PLD2: variants seen among roughly 807,000 people sequenced by gnomAD.
PLD2 encodes choline phosphatase 2.
Under a neutral mutation model 119.8 loss-of-function variants are expected in PLD2, and 101 were observed. That is an observed-to-expected ratio of 0.84 (90% CI 0.72 to 0.99). The LOEUF (loss-of-function observed/expected upper bound fraction) is 0.99. Ranked by LOEUF, PLD2 falls within the 50% of genes least tolerant of loss-of-function variation. PLD2 has a pLI of 0.00. For synonymous variants in PLD2, 494 were observed against 482.8 expected (o/e 1.02, Z -0.30); for missense variants, 1,164 against 1,226.8 (o/e 0.95, Z 0.76).
Position 4,809,347 on chromosome 17 carries a change from G to A in PLD2, c.539G>A (p.Arg180His), listed in dbSNP as rs199632590. 142 of 1,613,832 alleles carry A rather than the reference G, an allele frequency of 8.8e-5. No individual in the cohort carries two copies. Among genetic ancestry groups the A allele is most frequent in the Non-Finnish European group, 8.5e-5 (100 of 1,179,892 alleles). Residue 180 changes from arginine to histidine, a missense_variant, in exon 6 of 25, where the codon CGC becomes CAC. Coordinates refer to ENST00000263088, the MANE Select transcript of PLD2 (RefSeq NM_002663.5). Reference sequence around the variant, plus strand: ...CGTCTCTTGACCATGTCTTTCTATCGCAACTACCATGCCATGGTAAGGTCC... The same window carrying A: ...CGTCTCTTGACCATGTCTTTCTATCACAACTACCATGCCATGGTAAGGTCC... ...LNRLLTMSFY[R>H]NYHAMTEFLE...
rs746667081 is a variant in PLD2 at position 4,809,502 on chromosome 17, C to T, written c.565C>T (p.Leu189=). Residue 189 remains leucine, a synonymous_variant, in exon 7 of 25, where the codon CTG becomes TTG. Transcript: ENST00000263088. ...YRNYHAMTEF[L]EVSQLSFIPD... The stretch of plus-strand genomic sequence containing the variant: ...TTGTTTTCCTCTGCAGACAGAGTTC[C>T]TGGAAGTCAGTCAGCTGTCCTTTAT... The T allele has an allele frequency of 1.9e-6, 3 of 1,607,858 alleles. No homozygotes were observed. Among genetic ancestry groups the T allele is most frequent in the Non-Finnish European group, 2.6e-6 (3 of 1,176,396 alleles).
In PLD2 at chr17:4,818,124, TGG is replaced by T. The variant is rs768002478; in HGVS notation, c.1920+22_1920+23del. The T allele has an allele frequency of 7.0e-6, 11 of 1,577,992 alleles. No homozygotes were observed. Among genetic ancestry groups the T allele is most frequent in the Non-Finnish European group, 9.6e-6 (11 of 1,147,960 alleles). On this transcript the variant is annotated intron_variant, in intron 18 of 24. Coordinates refer to ENST00000263088, the MANE Select transcript of PLD2 (RefSeq NM_002663.5). Reference sequence around the variant, plus strand: ...ACATTGAGGTCTGACTGGGAGGAGGTGGGGGAGAGCATGGAAGGGGTGTCCCA... The same window carrying T: ...ACATTGAGGTCTGACTGGGAGGAGGTGGGAGAGCATGGAAGGGGTGTCCCA...
In PLD2 at chr17:4,815,822, T is replaced by C. The variant is rs1429848677; in HGVS notation, c.1343T>C (p.Val448Ala). 9.3e-6 allele frequency: 15 copies of C among 1,614,098 alleles called. No individual in the cohort carries two copies. The highest frequency in any genetic ancestry group is 1.3e-5 in the Non-Finnish European group (15 of 1,179,998). ...GCCCATCATGAGAAGCTCCTGGTGG[T>C]GGACCAAGTGGTAGCATTCCTGGGG... ...LWAHHEKLLV[V>A]DQVVAFLGGL... The change falls in exon 14 of 25, where the codon GTG (valine) becomes GCG (alanine). Residue 448 changes from valine (V) to alanine (A), a missense_variant. Val to Ala is a moderately conservative substitution (Grantham distance 64). Coordinates refer to ENST00000263088, the MANE Select transcript of PLD2 (RefSeq NM_002663.5).
In PLD2 at chr17:4,822,992, A is replaced by G; in HGVS notation, c.*128A>G. The G allele has an allele frequency of 1.6e-6, 1 of 616,016 alleles. No individual in the cohort carries two copies. The highest frequency in any genetic ancestry group is 2.0e-5 in the South Asian group (1 of 50,988). 38.2% of individuals were successfully genotyped at this position (616,016 alleles called of 1,614,324 possible). ...GGGGAGGCAGGCATTCCTGAAGGGA[A>G]CTAGAGGTGTTACAGAGGACCCTTA... is the stretch of plus-strand genomic sequence containing the variant. On this transcript the variant is annotated 3_prime_UTR_variant, in exon 25 of 25. Transcript: ENST00000263088.
intron 14 of PLD2, among the ~76,000 whole-genome samples, chr17:4,816,315 G>A (rs932912266): frequency 8.6e-5 from 13 of 151,564 alleles, no homozygotes; most frequent in African/African-American, 2.7e-4. Flanking sequence ...CCCAGGAGGC[G>A]GAGGTTGCAG....
At chr17:4,815,066 T>C (rs1299326127) in intron 12 of PLD2, among the ~76,000 whole-genome samples, 1 of 151,976 alleles carries the variant, frequency 6.6e-6, no homozygotes, top group Non-Finnish European at 1.5e-5. Context: ...GTGGTGTTGA[T>C]GGACAGGAAG....
Position 4,819,203 on chromosome 17 carries a change from C to A in PLD2, c.2293C>A (p.Arg765=), listed in dbSNP as rs746497873. 3 of 1,614,084 alleles carry A rather than the reference C, an allele frequency of 1.9e-6. No individual in the cohort carries two copies. The highest frequency in any genetic ancestry group is 2.5e-6 in the Non-Finnish European group (3 of 1,179,992). The stretch of plus-strand genomic sequence containing the variant: ...CAGCAAGGTGCTCATCGCAGATGAC[C>A]GGACAGTCATCATTGGTCAGTGCCG... ...IHSKVLIADD[R]TVIIGSANIN... The change falls in exon 22 of 25, where the codon CGG becomes AGG. Residue 765 remains arginine, a synonymous_variant. Transcript: ENST00000263088. The surrounding 1 kb of genome is among the most constrained non-coding windows in gnomAD (Gnocchi z 4.2).
rs752531368 is a variant in PLD2 at position 4,814,385 on chromosome 17, T to C, written c.1011-33T>C. The C allele has an allele frequency of 1.9e-6, 3 of 1,587,256 alleles. No homozygotes were observed. The South Asian group carries it at 3.4e-5, about 18-fold the overall frequency. On this transcript the variant is annotated intron_variant, in intron 10 of 24. Coordinates refer to ENST00000263088, the MANE Select transcript of PLD2 (RefSeq NM_002663.5). ...TCTCCAGAGCTTTCTGGCTTCTGAC[T>C]CCCCTGACCTCCTTGGCTTGGCCTC...
chr17:4,815,998 C>T, intron 14 of PLD2, 64 bp downstream of exon 14: 1 of 1,185,482 alleles, frequency 8.4e-7, no homozygotes, highest in Admixed American at 1.8e-5. Flanking sequence ...ACACCATTTC[C>T]CAGCTCCAGC....
intron 8 of PLD2, 36 bp from the exon 9 acceptor site, chr17:4,809,841 G>A: frequency 6.2e-7 from 1 of 1,614,086 alleles, no homozygotes; most frequent in Non-Finnish European, 8.5e-7. Flanking sequence ...AAAATTTTGA[G>A]GGCAGAGAGG....
rs1298988820 is a variant in PLD2 at position 4,822,858 on chromosome 17, G to T, written c.2796G>T (p.Trp932Cys). Residue 932 changes from tryptophan (W) to cysteine (C), a missense_variant, in exon 25 of 25, where the codon TGG becomes TGT. Transcript: ENST00000263088. ...AGGGCATGATCCCCCTAGAAGTGTG[G>T]ACATAGTTGAGGCCCCCGTCAGGGA... ...SKEGMIPLEV[W>C]T The T allele has an allele frequency of 3.8e-6, 6 of 1,586,252 alleles. No homozygotes were observed. Among genetic ancestry groups the T allele is most frequent in the Non-Finnish European group, 5.2e-6 (6 of 1,156,094 alleles).
Position 4,808,129 on chromosome 17 carries a change from C to T in PLD2, c.240+15C>T. Reference sequence around the variant, plus strand: ...GCGGATCCAAGGTGGCCAGACTGGCCCCAGGGAGGGGGAAAGGGAGGGCGG... The same window carrying T: ...GCGGATCCAAGGTGGCCAGACTGGCTCCAGGGAGGGGGAAAGGGAGGGCGG... On this transcript the variant is annotated intron_variant, in intron 3 of 24. Coordinates refer to ENST00000263088, the MANE Select transcript of PLD2 (RefSeq NM_002663.5). This position sits in a 1 kb window ranked among gnomAD's most constrained non-coding sequence, Gnocchi z 4.1. 4 of 1,602,096 alleles carry T rather than the reference C, an allele frequency of 2.5e-6. No individual in the cohort carries two copies. Among genetic ancestry groups the T allele is most frequent in the Non-Finnish European group, 2.6e-6 (3 of 1,170,692 alleles).
At chr17:4,816,579 G>A (rs1906993266) in intron 14 of PLD2, 41 bp from the exon 15 acceptor site, 2 of 1,609,422 alleles carry the variant, frequency 1.2e-6, no homozygotes, top group African/African-American at 2.7e-5. Flanking sequence ...ACAGCCCCAT[G>A]ACTTCCCCTT....
In PLD2 at chr17:4,818,541, G is replaced by C. The variant is rs147534454; in HGVS notation, c.2057G>C (p.Gly686Ala). 2,053 of 1,614,010 alleles carry C rather than the reference G, an allele frequency of 1.3e-3. 2 individuals are homozygous for C. Among genetic ancestry groups the C allele is most frequent in the Non-Finnish European group, 1.7e-3 (1,950 of 1,179,970 alleles). ...TACGTGCTTTTGCCCTTACTCCCTG[G>C]CTTCGAGGGTGACATCTCCACGGGC... Reference protein sequence around the residue: ...RVYVLLPLLPGFEGDISTGGG... With the variant: ...RVYVLLPLLPAFEGDISTGGG... Residue 686 changes from glycine to alanine, a missense_variant, in exon 20 of 25, where the codon GGC becomes GCC. Gly to Ala is a moderately conservative substitution (Grantham distance 60). Transcript: ENST00000263088.
At chr17:4,815,413 G>A (rs1409843859) in intron 12 of PLD2, 63 bp from the exon 13 acceptor site, 5 of 968,934 alleles carry the variant, frequency 5.2e-6, no homozygotes, top group Non-Finnish European at 8.4e-6. Context: ...AAAAGGTTTG[G>A]GAGTGTGGAA....
chr17:4,814,804 AGGCTTCAGG>A (rs1396101716), intron 12 of PLD2, 93 bp downstream of exon 12: 5 of 1,120,000 alleles, frequency 4.5e-6, no homozygotes, highest in Non-Finnish European at 6.7e-6. Context: ...AGGCAGTCTG[AGGCTTCAGG>A]GGAGGGAAAA....
rs748674984 is a variant in PLD2, at chr17:4,809,140, A to G, written c.424A>G (p.Arg142Gly). The G allele has an allele frequency of 3.7e-6, 6 of 1,614,180 alleles. No individual in the cohort carries two copies. The highest frequency in any genetic ancestry group is 3.3e-5 in the Admixed American group (2 of 60,016). ...AYSPARDAGN[R>G]EMPSLPRAGP... Reference sequence around the variant, plus strand: ...TTCTCCAGCCCGAGATGCAGGCAACAGAGAGATGCCCTCTCTACCCCGGGC... The same window carrying G: ...TTCTCCAGCCCGAGATGCAGGCAACGGAGAGATGCCCTCTCTACCCCGGGC... The change falls in exon 5 of 25, where the codon AGA (arginine) becomes GGA (glycine). Residue 142 changes from arginine (R) to glycine (G), a missense_variant. Arg to Gly is a moderately radical substitution (Grantham distance 125). Transcript: ENST00000263088.
At position 4,807,471 on chromosome 17, in the gene PLD2, T is replaced by G. The variant is rs1323212091; in HGVS notation, c.-2+246T>G. On this transcript the variant is annotated intron_variant, in intron 1 of 24. Transcript: ENST00000263088. The surrounding 1 kb of genome is among the most constrained non-coding windows in gnomAD (Gnocchi z 5.4). The stretch of plus-strand genomic sequence containing the variant: ...ACCCAGGGCCGCTTCCCCGCGCAGC[T>G]GCTGCGCCGCCCCAGGTCGGAGCCT... 1 of 268,460 alleles carries G rather than the reference T, an allele frequency of 3.7e-6. No individual in the cohort carries two copies. Among genetic ancestry groups the G allele is most frequent in the African/African-American group, 2.2e-5 (1 of 45,184 alleles). The allele number at this position is 268,460 out of a possible 1,614,324, so 16.6% of individuals were successfully genotyped here.
intron 4 of PLD2, 21 bp from the exon 5 acceptor site, chr17:4,809,079 C>G: frequency 1.9e-6 from 3 of 1,591,294 alleles, no homozygotes; most frequent in Non-Finnish European, 2.6e-6. Context: ...CTTACCTGAC[C>G]TTCATCCATC....
Sources: allele counts gnomAD v4.1 joint callset (sites outside exome capture counted in the v4.1 genomes callset), GRCh38; gene constraint gnomAD v4.1.1; non-coding constraint Gnocchi (gnomAD v3.1); transcripts MANE v1.5; gene names NCBI Gene and HGNC (gene_info 2026-07-23, HGNC 2026-07-21).